Variants in HCN1 observed in about 807,000 individuals in gnomAD.
The protein encoded by HCN1 is potassium/sodium hyperpolarization-activated cyclic nucleotide-gated channel 1.
In HCN1, 13 loss-of-function variants were observed where a neutral mutation model predicts 78.9. That is an observed-to-expected ratio of 0.16 (90% CI 0.11 to 0.26). The LOEUF (loss-of-function observed/expected upper bound fraction) is 0.26. Among genes scored for constraint, HCN1 ranks in the 10% least tolerant of loss-of-function variants. The probability of loss-of-function intolerance (pLI) is 1.00; values close to 1 mark genes in which losing one functional copy is unlikely to be tolerated. For synonymous variants in HCN1, 552 were observed against 455.5 expected (o/e 1.21, Z -2.70); for missense variants, 810 against 1,154.3 (o/e 0.70, Z 4.32).
chr5:45,454,769 A>C (rs1054233831), intron 3 of HCN1, among the ~76,000 whole-genome samples: 4 of 152,072 alleles, frequency 2.6e-5, no homozygotes, highest in Non-Finnish European at 4.4e-5. Flanking sequence ...TTTGCCCTTA[A>C]ATATTTGATA....
At chr5:45,544,087 T>C (rs1743158687) in intron 2 of HCN1, among the ~76,000 whole-genome samples, 1 of 152,188 alleles carries the variant, frequency 6.6e-6, no homozygotes, top group Non-Finnish European at 1.5e-5. Context: ...GGGCATCAAA[T>C]ACTTATCTGC....
At chr5:45,416,105 T>C (rs1318002193) in intron 3 of HCN1, among the ~76,000 whole-genome samples, 1 of 152,012 alleles carries the variant, frequency 6.6e-6, no homozygotes, top group African/African-American at 2.4e-5. Flanking sequence ...TTCTCCCAAT[T>C]GATATATGTA....
chr5:45,360,630 T>C (rs1202374936), intron 4 of HCN1, among the ~76,000 whole-genome samples: 1 of 152,138 alleles, frequency 6.6e-6, no homozygotes, highest in East Asian at 1.9e-4. Flanking sequence ...GCATATCTTT[T>C]AGAATTTTTT....
intron 7 of HCN1, 38 bp from the exon 8 acceptor site, chr5:45,262,848 C>T (rs1744777909): frequency 3.1e-6 from 5 of 1,609,602 alleles, no homozygotes; most frequent in Non-Finnish European, 4.2e-6. Flanking sequence ...AGAAAGCCTA[C>T]CAATGACTGA....
intron 2 of HCN1, among the ~76,000 whole-genome samples, chr5:45,528,581 G>A (rs1204093609): frequency 6.6e-6 from 1 of 151,832 alleles, no homozygotes; most frequent in Admixed American, 6.6e-5. Flanking sequence ...AGATCTCAAG[G>A]AGATGAAGTA....
intron 6 of HCN1, among the ~76,000 whole-genome samples, chr5:45,283,438 T>G (rs1745207690): frequency 6.6e-6 from 1 of 151,948 alleles, no homozygotes. Flanking sequence ...CTTAAACAAA[T>G]TTACAAGAGA....
intron 2 of HCN1, chr5:45,643,167 C>A (rs1400293036): frequency 6.6e-6 from 1 of 152,002 alleles, no homozygotes; most frequent in Non-Finnish European, 1.5e-5. Flanking sequence ...GATCTAGGTG[C>A]CTGTAATTAC....
intron 6 of HCN1, 60 bp downstream of exon 6, chr5:45,303,538 TC>T: frequency 6.3e-7 from 1 of 1,581,064 alleles, no homozygotes; most frequent in Admixed American, 1.7e-5. Context: ...TCTCCAAAAT[TC>T]TTAAAGATAC....
intron 2 of HCN1, among the ~76,000 whole-genome samples, chr5:45,625,415 A>G (rs1046309105): frequency 1.3e-5 from 2 of 152,098 alleles, no homozygotes; most frequent in Non-Finnish European, 2.9e-5. Context: ...AAGGTAGGGC[A>G]CCCCAGTCCC....
chr5:45,596,966 T>C (rs1035408808), intron 2 of HCN1, among the ~76,000 whole-genome samples: 2 of 152,106 alleles, frequency 1.3e-5, no homozygotes. Flanking sequence ...TTGTTTACCT[T>C]AAAAGATAAC....
At position 45,267,215 on chromosome 5, in the gene HCN1, C is replaced by T. The variant is rs924134838; in HGVS notation, c.1657G>A (p.Val553Ile). ...AGACGACAATATGTATCAGCTCGAA[C>T]ACTGGCAGTACGACGTCCTTTGGTC... ...LLTKGRRTAS[V>I]RADTYCRLYS... The change falls in exon 7 of 8, where the codon GTT becomes ATT. Residue 553 changes from valine to isoleucine, a missense_variant. Physicochemically the swap from Val to Ile is conservative, Grantham distance 29. Transcript: ENST00000303230. 4 of 1,613,932 alleles carry T rather than the reference C, an allele frequency of 2.5e-6. No individual in the cohort carries two copies. In the African/African-American group the frequency reaches 5.3e-5, roughly 22 times the overall value.
At chr5:45,336,541 T>C (rs1746459805) in intron 5 of HCN1, among the ~76,000 whole-genome samples, 1 of 152,058 alleles carries the variant, frequency 6.6e-6, no homozygotes, top group African/African-American at 2.4e-5. Context: ...CTTCTATACC[T>C]TGAAGTGTCT....
intron 4 of HCN1, among the ~76,000 whole-genome samples, chr5:45,359,736 A>C (rs1747073985): frequency 6.6e-6 from 1 of 151,810 alleles, no homozygotes; most frequent in Admixed American, 6.6e-5. Context: ...GATGAAAGGC[A>C]TAGACCTTCA....
chr5:45,331,977 A>G (rs1293169492), intron 5 of HCN1, among the ~76,000 whole-genome samples: 1 of 151,604 alleles, frequency 6.6e-6, no homozygotes, highest in Non-Finnish European at 1.5e-5. Flanking sequence ...CTCTAGCTAT[A>G]TAAGTCAACT....
chr5:45,349,267 A>G lies in HCN1; in HGVS notation c.1377+3833T>C, dbSNP rs543501549. ...TGGAAACTGAACAACCTGCTCCTGA[A>G]TGACTACTGGGTACATAACGAAATG... On this transcript the variant is annotated intron_variant, in intron 5 of 7. Coordinates refer to ENST00000303230, the MANE Select transcript of HCN1 (RefSeq NM_021072.4). Among the ~76,000 whole-genome samples the G allele has an allele frequency of 3.3e-5, 5 of 152,358 alleles. No homozygotes were observed. In the East Asian group the frequency reaches 9.6e-4, roughly 29 times the overall value.
intron 5 of HCN1, among the ~76,000 whole-genome samples, chr5:45,324,073 C>T (rs1279437790): frequency 7.0e-6 from 1 of 143,230 alleles, no homozygotes; most frequent in East Asian, 2.1e-4. Flanking sequence ...TGGGTATATA[C>T]CCAGTAATGG....
At chr5:45,669,165 T>A (rs748212063) in intron 1 of HCN1, among the ~76,000 whole-genome samples, 1 of 151,692 alleles carries the variant, frequency 6.6e-6, no homozygotes, top group Non-Finnish European at 1.5e-5. Flanking sequence ...GAGCAAGAAA[T>A]TGAGAGAGTT....
At chr5:45,505,064 G>A (rs1304635365) in intron 2 of HCN1, among the ~76,000 whole-genome samples, 1 of 152,140 alleles carries the variant, frequency 6.6e-6, no homozygotes, top group Non-Finnish European at 1.5e-5. Flanking sequence ...TGTTCACTCT[G>A]ATGGTAGTTT....
At chr5:45,286,091 A>G (rs1001765302) in intron 6 of HCN1, among the ~76,000 whole-genome samples, 1 of 151,994 alleles carries the variant, frequency 6.6e-6, no homozygotes, top group Non-Finnish European at 1.5e-5. Context: ...TCTGTTTCTC[A>G]TTATATAGGA....
Sources: gnomAD v4.1 joint callset for allele counts (sites outside exome capture counted in the v4.1 genomes callset) on GRCh38, gnomAD v4.1.1 for gene constraint, MANE v1.5 for transcripts, NCBI Gene and HGNC (gene_info 2026-07-23, HGNC 2026-07-21) for gene names.